PTPRT: variants seen among roughly 807,000 people sequenced by gnomAD.
PTPRT encodes the protein protein tyrosine phosphatase receptor type T.
PTPRT carries 56 observed loss-of-function variants against 176.8 expected under a neutral mutation model. That is an observed-to-expected ratio of 0.32 (90% CI 0.26 to 0.40). The LOEUF (loss-of-function observed/expected upper bound fraction) is 0.40, where lower values mean the gene tolerates loss of function less well. Ranked by LOEUF, PTPRT falls within the 10% of genes least tolerant of loss-of-function variation. The pLI, the probability that PTPRT is intolerant of heterozygous loss-of-function variation, is 1.00. For synonymous variants in PTPRT, 783 were observed against 739.0 expected, an observed-to-expected ratio of 1.06 and a Z score of -0.96; for missense variants, 1,540 against 1,908.2, an observed-to-expected ratio of 0.81 and a Z score of 3.60.
At chr20:42,565,286 TGTCCGCCTAGGTGCAC>T (rs1262229755) in intron 7 of PTPRT, among the ~76,000 whole-genome samples, 2 of 152,200 alleles carry the variant, frequency 1.3e-5, no homozygotes, top group African/African-American at 4.8e-5. Context: ...GGCCTGCTTC[TGTCCGCCTAGGTGCAC>T]AAGTGCATCC....
chr20:42,263,060 T>A (rs967273550), intron 13 of PTPRT, among the ~76,000 whole-genome samples: 1 of 152,084 alleles, frequency 6.6e-6, no homozygotes, highest in Non-Finnish European at 1.5e-5. Flanking sequence ...CATGATCAGT[T>A]TGAACGGGTT....
chr20:42,060,285 A>G, the PTPRT span, among the ~76,000 whole-genome samples: 1 of 152,170 alleles, frequency 6.6e-6, no homozygotes, highest in Non-Finnish European at 1.5e-5. Flanking sequence ...CCAAATCTGA[A>G]AGGCAAGAGC....
At chr20:42,444,167 T>A (rs904227606) in intron 9 of PTPRT, among the ~76,000 whole-genome samples, 2 of 152,102 alleles carry the variant, frequency 1.3e-5, no homozygotes, top group Non-Finnish European at 2.9e-5. Flanking sequence ...TCCGGTCTCC[T>A]TTTTACTACA....
intron 7 of PTPRT, among the ~76,000 whole-genome samples, chr20:42,546,341 T>G (rs1330139417): frequency 1.3e-5 from 2 of 152,116 alleles, no homozygotes; most frequent in East Asian, 3.9e-4. Context: ...GCGTATGCAT[T>G]ATTTGAACAC....
At chr20:42,855,432 T>TG (rs2078544565) in intron 2 of PTPRT, among the ~76,000 whole-genome samples, 1 of 135,626 alleles carries the variant, frequency 7.4e-6, no homozygotes, top group Non-Finnish European at 1.6e-5. Flanking sequence ...GTTCATGCTT[T>TG]TTTTTTTTTT....
intron 1 of PTPRT, among the ~76,000 whole-genome samples, chr20:42,983,379 A>G (rs1329993031): frequency 1.3e-5 from 2 of 152,124 alleles, no homozygotes; most frequent in East Asian, 3.9e-4. Context: ...AGCACTCTAC[A>G]TCCTCCTGCT....
chr20:42,706,019 T>C (rs1352086398), intron 6 of PTPRT, among the ~76,000 whole-genome samples: 2 of 151,780 alleles, frequency 1.3e-5, no homozygotes, highest in Admixed American at 6.6e-5. Flanking sequence ...GATTAGGGGG[T>C]GGGGAACAGG....
chr20:42,256,130 G>C (rs2056634253), intron 13 of PTPRT, among the ~76,000 whole-genome samples: 1 of 152,186 alleles, frequency 6.6e-6, no homozygotes, highest in African/African-American at 2.4e-5. Flanking sequence ...AGGCATCTCT[G>C]ATTATGGGGG....
intron 1 of PTPRT, among the ~76,000 whole-genome samples, chr20:43,046,500 C>T (rs1358169451): frequency 2.1e-4 from 31 of 150,102 alleles, no homozygotes; most frequent in South Asian, 4.2e-4. Flanking sequence ...ACCCGGGAGG[C>T]GGAGCTTGCA....
At chr20:42,642,485 GATAATAATGTGA>G (rs547429409) in intron 7 of PTPRT, among the ~76,000 whole-genome samples, 18 of 152,180 alleles carry the variant, frequency 1.2e-4, no homozygotes, top group African/African-American at 3.9e-4. Flanking sequence ...TGACAACAAT[GATAATAATGTGA>G]ATAATAATGT....
chr20:42,613,180 T>A (rs1460994541), intron 7 of PTPRT, among the ~76,000 whole-genome samples: 1 of 152,236 alleles, frequency 6.6e-6, no homozygotes, highest in Non-Finnish European at 1.5e-5. Context: ...CGGCCAGTTG[T>A]ACAGTAAACA....
At chr20:42,439,826 C>T (rs1568880592) in intron 9 of PTPRT, among the ~76,000 whole-genome samples, 1 of 152,206 alleles carries the variant, frequency 6.6e-6, no homozygotes, top group Non-Finnish European at 1.5e-5. Flanking sequence ...GCCCATCCAT[C>T]CATCCCTGCA....
At chr20:43,140,142 C>G (rs959424795) in intron 1 of PTPRT, among the ~76,000 whole-genome samples, 1 of 152,064 alleles carries the variant, frequency 6.6e-6, no homozygotes, top group Admixed American at 6.6e-5. Flanking sequence ...TGTGTGTGTG[C>G]ATATCCTTTT....
At chr20:42,058,206 T>C in the PTPRT span, among the ~76,000 whole-genome samples, 1 of 152,234 alleles carries the variant, frequency 6.6e-6, no homozygotes, top group Admixed American at 6.5e-5. Context: ...TTATACATTA[T>C]GCATTAGACA....
chr20:43,097,200 G>A (rs111756825), intron 1 of PTPRT, among the ~76,000 whole-genome samples: 2,948 of 152,288 alleles, frequency 0.019, 42 homozygotes, highest in Middle Eastern at 0.044. Flanking sequence ...GGACAGTGGC[G>A]AGGGGCCTGA....
intron 7 of PTPRT, among the ~76,000 whole-genome samples, chr20:42,656,392 T>C (rs192194873): frequency 1.2e-4 from 18 of 152,136 alleles, no homozygotes; most frequent in Middle Eastern, 3.4e-3. Flanking sequence ...AAATAGGGGG[T>C]TGAGACTTAC....
intron 23 of PTPRT, 124 bp downstream of exon 23, chr20:42,110,209 G>T: frequency 1.1e-6 from 1 of 876,242 alleles, no homozygotes; most frequent in Non-Finnish European, 1.6e-6. Context: ...ACCATGACCA[G>T]CTAAGTTTTT....
At chr20:42,250,223 G>T (rs555922171) in intron 13 of PTPRT, among the ~76,000 whole-genome samples, 1 of 152,300 alleles carries the variant, frequency 6.6e-6, no homozygotes, top group East Asian at 1.9e-4. Flanking sequence ...ATTACGCCTC[G>T]TTTATCTTAG....
At chr20:42,226,891 T>C (rs774302640) in intron 15 of PTPRT, among the ~76,000 whole-genome samples, 3 of 152,038 alleles carry the variant, frequency 2.0e-5, no homozygotes, top group Non-Finnish European at 4.4e-5. Context: ...CAAGCACAGG[T>C]GAACAGCAAA....
Sources: allele counts gnomAD v4.1 joint callset (sites outside exome capture counted in the v4.1 genomes callset), GRCh38; gene constraint gnomAD v4.1.1; transcripts MANE v1.5; gene names NCBI Gene and HGNC (gene_info 2026-07-23, HGNC 2026-07-21).